Variants in EXOC6B observed in about 807,000 individuals in gnomAD.
EXOC6B encodes SEC15 homolog B.
EXOC6B carries 54 observed loss-of-function variants against 113.5 expected under a neutral mutation model. The observed-to-expected ratio is 0.48, with a 90% CI of 0.38 to 0.60. The LOEUF is 0.60. EXOC6B is among the 20% of genes least tolerant of loss of function. The probability of loss-of-function intolerance (pLI) is 0.00; values close to 1 mark genes in which losing one functional copy is unlikely to be tolerated. For missense variants in EXOC6B, 797 were observed against 977.5 expected, an observed-to-expected ratio of 0.82 and a Z score of 2.46; for synonymous variants, 357 against 339.0, an observed-to-expected ratio of 1.05 and a Z score of -0.58.
chr2:72,656,750 T>C (rs1674604914), intron 6 of EXOC6B, among the ~76,000 whole-genome samples: 1 of 152,240 alleles, frequency 6.6e-6, no homozygotes, highest in Non-Finnish European at 1.5e-5. Flanking sequence ...TATCAGTTGA[T>C]ATATGTACTT....
intron 16 of EXOC6B, among the ~76,000 whole-genome samples, chr2:72,488,915 C>T (rs549438509): frequency 2.8e-4 from 43 of 152,294 alleles, no homozygotes; most frequent in African/African-American, 8.7e-4. Context: ...GGCTTTACGA[C>T]GGCCTACCAT....
chr2:72,236,688 T>C lies in EXOC6B; in HGVS notation c.2197-52501A>G, dbSNP rs572654115. On this transcript the variant is annotated intron_variant, in intron 20 of 21. Coordinates refer to ENST00000272427, the MANE Select transcript of EXOC6B (RefSeq NM_015189.3). Reference sequence around the variant, plus strand: ...ATTTTTGTGACTCAGCAGAAGAGTCTTGAAAGACATGGTTATTTTCCTGGC... The same window carrying C: ...ATTTTTGTGACTCAGCAGAAGAGTCCTGAAAGACATGGTTATTTTCCTGGC... Among the ~76,000 whole-genome samples, 441 of 152,234 alleles carry C rather than the reference T, an allele frequency of 2.9e-3. 3 individuals carry two copies. The highest frequency in any genetic ancestry group is 0.01 in the African/African-American group (417 of 41,544).
At chr2:72,624,638 C>G (rs775459684) in intron 6 of EXOC6B, among the ~76,000 whole-genome samples, 4 of 152,056 alleles carry the variant, frequency 2.6e-5, no homozygotes, top group Non-Finnish European at 4.4e-5. Flanking sequence ...ACTAGCTACT[C>G]AGGAGACTGA....
chr2:72,328,588 G>T (rs1044642506), intron 20 of EXOC6B, among the ~76,000 whole-genome samples: 2 of 152,088 alleles, frequency 1.3e-5, no homozygotes, highest in African/African-American at 2.4e-5. Flanking sequence ...ATAAATGAAT[G>T]AACATTTCCT....
intron 20 of EXOC6B, among the ~76,000 whole-genome samples, chr2:72,220,839 T>A (rs1338734558): frequency 6.6e-6 from 1 of 152,218 alleles, no homozygotes; most frequent in Non-Finnish European, 1.5e-5. Context: ...CTTATTAATT[T>A]TTTTAATTGA....
chr2:72,500,818 T>A (rs1476374783), intron 11 of EXOC6B, among the ~76,000 whole-genome samples: 8 of 152,224 alleles, frequency 5.3e-5, no homozygotes, highest in Non-Finnish European at 1.2e-4. Flanking sequence ...GCTCTCTCAT[T>A]GGTCTCTCAA....
intron 8 of EXOC6B, among the ~76,000 whole-genome samples, chr2:72,542,652 G>A (rs1044257030): frequency 1.3e-5 from 2 of 152,092 alleles, no homozygotes; most frequent in Non-Finnish European, 1.5e-5. Context: ...GATCATTTTG[G>A]TATATGCTGC....
Position 72,373,627 on chromosome 2 carries a change from G to T in EXOC6B, c.2122+6102C>A, listed in dbSNP as rs150586718. On this transcript the variant is annotated intron_variant, in intron 19 of 21. Transcript: ENST00000272427. ...AGAATTGAATAACTATTACTCAAAAGAACACATACAAATGGCAAACAGGTA... is the reference window on the plus strand; with the variant it reads ...AGAATTGAATAACTATTACTCAAAATAACACATACAAATGGCAAACAGGTA... 5.2e-4 allele frequency among the ~76,000 whole-genome samples: 79 copies of T among 152,192 alleles called. 1 individual carries two copies. The East Asian group carries it at 0.015, about 28-fold the overall frequency.
intron 11 of EXOC6B, among the ~76,000 whole-genome samples, chr2:72,504,864 A>C (rs1456300497): frequency 1.3e-5 from 2 of 152,162 alleles, no homozygotes; most frequent in Non-Finnish European, 2.9e-5. Flanking sequence ...AAGAAGACTG[A>C]ACACCTTTCA....
chr2:72,806,803 T>C (rs987833199), intron 1 of EXOC6B, among the ~76,000 whole-genome samples: 1 of 152,248 alleles, frequency 6.6e-6, no homozygotes, highest in African/African-American at 2.4e-5. Flanking sequence ...CTTTTTTTTT[T>C]CATATGCTTG....
chr2:72,470,208 T>A (rs1698310187), intron 17 of EXOC6B, among the ~76,000 whole-genome samples: 1 of 152,328 alleles, frequency 6.6e-6, no homozygotes, highest in South Asian at 2.1e-4. Context: ...TTCTGATATA[T>A]AAGTATGGTA....
intron 1 of EXOC6B, among the ~76,000 whole-genome samples, chr2:72,782,587 C>T (rs574037131): frequency 1.0e-3 from 159 of 152,272 alleles, no homozygotes; most frequent in Non-Finnish European, 2.0e-3. Flanking sequence ...CAATTGTTAA[C>T]TATAATCACC....
chr2:72,804,753 G>A (rs948795692), intron 1 of EXOC6B, among the ~76,000 whole-genome samples: 18 of 151,640 alleles, frequency 1.2e-4, no homozygotes, highest in African/African-American at 4.1e-4. Flanking sequence ...GCACCACCAC[G>A]CCCAGCTAAT....
chr2:72,277,060 A>T (rs2104652896), intron 20 of EXOC6B, among the ~76,000 whole-genome samples: 1 of 152,246 alleles, frequency 6.6e-6, no homozygotes, highest in South Asian at 2.1e-4. Flanking sequence ...TTAACCACAG[A>T]TTATCTCAAT....
intron 6 of EXOC6B, among the ~76,000 whole-genome samples, chr2:72,689,045 T>G (rs559309755): frequency 6.6e-6 from 1 of 152,220 alleles, no homozygotes; most frequent in Non-Finnish European, 1.5e-5. Context: ...ACTAAACTTA[T>G]GACTACCATT....
chr2:72,492,855 ATT>A (rs2105547655), intron 15 of EXOC6B, among the ~76,000 whole-genome samples: 1 of 151,978 alleles, frequency 6.6e-6, no homozygotes, highest in East Asian at 1.9e-4. Flanking sequence ...GTCTTTAAAT[ATT>A]TTTGTTTGTT....
chr2:72,514,933 G>T, intron 9 of EXOC6B, 110 bp downstream of exon 9: 2 of 1,032,430 alleles, frequency 1.9e-6, no homozygotes, highest in Non-Finnish European at 2.8e-6. Flanking sequence ...GTCTCAGAAT[G>T]ACAGTAAACA....
At chr2:72,577,306 C>G (rs566546018) in intron 6 of EXOC6B, among the ~76,000 whole-genome samples, 5 of 152,084 alleles carry the variant, frequency 3.3e-5, no homozygotes, top group African/African-American at 1.2e-4. Flanking sequence ...CTATTGTTCT[C>G]AAAAGTAAGA....
intron 6 of EXOC6B, among the ~76,000 whole-genome samples, chr2:72,647,127 C>A (rs1257888951): frequency 1.3e-5 from 2 of 152,144 alleles, no homozygotes; most frequent in African/African-American, 4.8e-5. Flanking sequence ...CACAAGCAAT[C>A]CTACACACCA....
Sources: allele counts gnomAD v4.1 joint callset (sites outside exome capture counted in the v4.1 genomes callset), GRCh38; gene constraint gnomAD v4.1.1; transcripts MANE v1.5; gene names NCBI Gene and HGNC (gene_info 2026-07-23, HGNC 2026-07-21).